The following SLC26A7 variants were observed in gnomAD, a reference collection of about 807,000 sequenced individuals.
SLC26A7 encodes the protein anion exchange transporter.
Under a neutral mutation model 82.5 loss-of-function variants are expected in SLC26A7, and 59 were observed. The observed-to-expected ratio is 0.72, with a 90% CI of 0.58 to 0.89. The LOEUF is 0.89. Among genes scored for constraint, SLC26A7 ranks in the 40% least tolerant of loss-of-function variants. The pLI is 0.00. For missense variants in SLC26A7, 820 were observed against 793.0 expected (o/e 1.03, Z -0.41); for synonymous variants, 271 against 274.3 (o/e 0.99, Z 0.12).
chr8:91,365,898 A>G (rs1814178917), intron 13 of SLC26A7, among the ~76,000 whole-genome samples: 1 of 152,216 alleles, frequency 6.6e-6, no homozygotes, highest in Non-Finnish European at 1.5e-5. Flanking sequence ...TAGGCCAGCC[A>G]CTTGCCCCAA....
chr8:91,212,385 G>A (rs1809945644), intron 1 of SLC26A7, among the ~76,000 whole-genome samples: 1 of 152,008 alleles, frequency 6.6e-6, no homozygotes, highest in Non-Finnish European at 1.5e-5. Context: ...GGGAGGGAAT[G>A]GTTTGGAACA....
intron 3 of SLC26A7, among the ~76,000 whole-genome samples, chr8:91,292,810 C>T (rs892637485): frequency 6.6e-6 from 1 of 151,486 alleles, no homozygotes; most frequent in Non-Finnish European, 1.5e-5. Context: ...AATAAATACA[C>T]AACAGTAAAA....
rs370449757 is a variant in SLC26A7 at position 91,249,882 on chromosome 8, G to A, written c.193+38G>A. 18 of 1,435,272 alleles carry A rather than the reference G, an allele frequency of 1.3e-5. 1 individual carries two copies. The South Asian group carries it at 2.3e-4, about 18-fold the overall frequency. 88.9% of individuals were successfully genotyped at this position (1,435,272 alleles called of 1,614,324 possible). A position where few individuals can be genotyped will look rare whatever the true frequency, so the allele number is the denominator to read the frequency against. On this transcript the variant is annotated intron_variant, in intron 2 of 18. Transcript: ENST00000276609. Reference sequence around the variant, plus strand: ...ATTTGAGTTTCCTGTATTATGCAGAGTAGATGTCACTTTGCTTCCTTGGAA... The same window carrying A: ...ATTTGAGTTTCCTGTATTATGCAGAATAGATGTCACTTTGCTTCCTTGGAA...
chr8:91,254,972 C>T (rs761652233), intron 2 of SLC26A7, among the ~76,000 whole-genome samples: 10 of 152,066 alleles, frequency 6.6e-5, no homozygotes, highest in South Asian at 4.1e-4. Flanking sequence ...GCAAGCTAAG[C>T]AGTATAAGAC....
chr8:91,326,960 C>T (rs1254950693), intron 5 of SLC26A7, among the ~76,000 whole-genome samples: 1 of 152,122 alleles, frequency 6.6e-6, no homozygotes, highest in African/African-American at 2.4e-5. Flanking sequence ...CTGTCTCTTA[C>T]AAGGATACTG....
At chr8:91,263,623 C>T (rs1054628726) in intron 2 of SLC26A7, among the ~76,000 whole-genome samples, 3 of 152,086 alleles carry the variant, frequency 2.0e-5, no homozygotes, top group Admixed American at 2.0e-4. Context: ...CTGGGCTTTG[C>T]CTGGAATATT....
At chr8:91,382,936 G>A (rs544604555) in intron 15 of SLC26A7, among the ~76,000 whole-genome samples, 2 of 152,244 alleles carry the variant, frequency 1.3e-5, no homozygotes, top group African/African-American at 4.8e-5. Context: ...AGGCCCGTAT[G>A]GGAGACTTAA....
chr8:91,350,202 T>C (rs1414002155), intron 9 of SLC26A7, among the ~76,000 whole-genome samples: 1 of 152,084 alleles, frequency 6.6e-6, no homozygotes, highest in Non-Finnish European at 1.5e-5. Flanking sequence ...AATGACTGCT[T>C]GCTTAGCAGA....
chr8:91,330,559 C>T (rs979894681), intron 5 of SLC26A7, among the ~76,000 whole-genome samples: 1 of 152,024 alleles, frequency 6.6e-6, no homozygotes, highest in East Asian at 1.9e-4. Flanking sequence ...GCCTGTGTGC[C>T]AGAATAAAAC....
chr8:91,209,555 T>C (rs550952797), intron 1 of SLC26A7: 19 of 152,378 alleles, frequency 1.2e-4, no homozygotes, highest in African/African-American at 3.6e-4. Flanking sequence ...AGGAGTGCTA[T>C]AGAATATTCT....
At chr8:91,314,944 T>C (rs1384643076) in intron 4 of SLC26A7, among the ~76,000 whole-genome samples, 1 of 152,190 alleles carries the variant, frequency 6.6e-6, no homozygotes, top group Non-Finnish European at 1.5e-5. Flanking sequence ...TTTGTAACTG[T>C]TAAATTGTGG....
chr8:91,393,880 A>G, intron 17 of SLC26A7, 29 bp downstream of exon 17: 1 of 1,613,396 alleles, frequency 6.2e-7, no homozygotes, highest in South Asian at 1.1e-5. Context: ...CTAACGTTGA[A>G]TGTGATTTTT....
chr8:91,276,447 A>G (rs1349632751), intron 2 of SLC26A7, among the ~76,000 whole-genome samples: 3 of 152,158 alleles, frequency 2.0e-5, no homozygotes, highest in African/African-American at 7.2e-5. Context: ...TTTTGTTTAT[A>G]AATCCTGGAT....
upstream of SLC26A7, among the ~76,000 whole-genome samples, chr8:91,246,138 T>A (rs182681978): frequency 2.6e-5 from 4 of 152,218 alleles, no homozygotes; most frequent in African/African-American, 9.7e-5. Flanking sequence ...GGTTATCTGA[T>A]TTTTTAAGAG....
At chr8:91,374,382 A>G (rs1460058856) in intron 15 of SLC26A7, among the ~76,000 whole-genome samples, 2 of 135,212 alleles carry the variant, frequency 1.5e-5, no homozygotes, top group African/African-American at 5.7e-5. Context: ...ACCTCTTAAC[A>G]CTGTTTTTTT....
chr8:91,379,019 A>G (rs1297144367), intron 15 of SLC26A7, among the ~76,000 whole-genome samples: 1 of 152,040 alleles, frequency 6.6e-6, no homozygotes, highest in Non-Finnish European at 1.5e-5. Flanking sequence ...ATATACTAGC[A>G]TCAAAGAGAA....
intron 13 of SLC26A7, among the ~76,000 whole-genome samples, chr8:91,364,917 A>T (rs530794143): frequency 1.3e-5 from 2 of 152,334 alleles, no homozygotes; most frequent in South Asian, 4.1e-4. Context: ...TAATTATTCA[A>T]TGTTTTGTAT....
chr8:91,396,241 T>G lies in SLC26A7; in HGVS notation c.*1144T>G, dbSNP rs537583770. On this transcript the variant is annotated 3_prime_UTR_variant, in exon 19 of 19. Coordinates refer to ENST00000276609, the MANE Select transcript of SLC26A7 (RefSeq NM_052832.4). ...GAATTTCACATTTTAATTTAGCAAA[T>G]TGATTTACCTAGGAAAAAATTATCA... is the stretch of plus-strand genomic sequence containing the variant. The G allele has an allele frequency of 6.6e-6, 1 of 152,162 alleles. No homozygotes were observed. The highest frequency in any genetic ancestry group is 2.1e-4 in the South Asian group (1 of 4,828). The allele number at this position is 152,162 out of a possible 1,614,324, so 9.4% of individuals were successfully genotyped here.
At chr8:91,309,819 G>A (rs1812427842) in intron 4 of SLC26A7, among the ~76,000 whole-genome samples, 1 of 152,116 alleles carries the variant, frequency 6.6e-6, no homozygotes, top group African/African-American at 2.4e-5. Flanking sequence ...CTTGAGGTGG[G>A]CTGTCTGCAT....
Sources: allele counts gnomAD v4.1 joint callset (sites outside exome capture counted in the v4.1 genomes callset), GRCh38; gene constraint gnomAD v4.1.1; transcripts MANE v1.5; gene names NCBI Gene and HGNC (gene_info 2026-07-23, HGNC 2026-07-21).